Variants in SHROOM3 observed in about 807,000 individuals in gnomAD.
SHROOM3 encodes shroom family member 3.
A neutral mutation model predicts 138.6 loss-of-function variants in SHROOM3; 47 were observed. The ratio of observed to expected loss-of-function variants is 0.34; its 90% confidence interval spans 0.27 to 0.43. The LOEUF (loss-of-function observed/expected upper bound fraction) is 0.43, where lower values mean the gene tolerates loss of function less well. SHROOM3 is among the 20% of genes least tolerant of loss of function. SHROOM3 has a pLI of 1.00. For synonymous variants in SHROOM3, 1,062 were observed against 1,063.3 expected, an observed-to-expected ratio of 1.00 and a Z score of 0.02; for missense variants, 2,491 against 2,596.5, an observed-to-expected ratio of 0.96 and a Z score of 0.88.
intron 2 of SHROOM3, among the ~76,000 whole-genome samples, chr4:76,598,542 G>A (rs991511215): frequency 4.6e-5 from 7 of 152,170 alleles, no homozygotes; most frequent in African/African-American, 1.7e-4. Context: ...CAGGGCTGCA[G>A]GGCTGATGGC....
chr4:76,555,849 G>A (rs755246598), intron 2 of SHROOM3, 86 bp downstream of exon 2: 161 of 1,479,750 alleles, frequency 1.1e-4, no homozygotes, highest in African/African-American at 8.7e-4. Context: ...AAAAGAGCTC[G>A]GGGTTGGTAG....
At chr4:76,502,127 C>T (rs1730277154) in intron 1 of SHROOM3, among the ~76,000 whole-genome samples, 1 of 152,168 alleles carries the variant, frequency 6.6e-6, no homozygotes, top group Non-Finnish European at 1.5e-5. Context: ...AGCTCTCTGG[C>T]ATGTGATGCC....
At chr4:76,663,184 G>A (rs565529031) in intron 2 of SHROOM3, among the ~76,000 whole-genome samples, 1 of 152,140 alleles carries the variant, frequency 6.6e-6, no homozygotes, top group Admixed American at 6.5e-5. Flanking sequence ...TTTTAAACTG[G>A]CTAAATCTAT....
chr4:76,725,262 T>A (rs1720670814), intron 3 of SHROOM3, among the ~76,000 whole-genome samples: 1 of 151,960 alleles, frequency 6.6e-6, no homozygotes, highest in African/African-American at 2.4e-5. Flanking sequence ...TCCTCCAAAG[T>A]AAAAGCTCCA....
chr4:76,583,028 A>G (rs1223692773), intron 2 of SHROOM3, among the ~76,000 whole-genome samples: 2 of 152,224 alleles, frequency 1.3e-5, no homozygotes, highest in Non-Finnish European at 2.9e-5. Flanking sequence ...AGCATTCCAC[A>G]TGAGGAACAG....
chr4:76,535,226 G>A (rs568127727), intron 1 of SHROOM3, among the ~76,000 whole-genome samples: 346 of 152,208 alleles, frequency 2.3e-3, no homozygotes, highest in African/African-American at 7.6e-3. Flanking sequence ...GCACACAGTA[G>A]GTACTGAAAA....
In SHROOM3 at chr4:76,740,699, CAACGGGGAGCAGCACTTCAAA is replaced by C. The variant is rs769511665; in HGVS notation, c.2537_2557del (p.Gln846_Glu852del). The C allele has an allele frequency of 9.9e-6, 16 of 1,613,788 alleles. No homozygotes were observed. The highest frequency in any genetic ancestry group is 1.2e-5 in the Non-Finnish European group (14 of 1,180,042). ...TCTCTGAGTCAGCTGAACCCCTAGGCAACGGGGAGCAGCACTTCAAAAACGGGGAGCTGAAGTTGGAAGAGG... is the reference window on the plus strand; with the variant it reads ...TCTCTGAGTCAGCTGAACCCCTAGGCAACGGGGAGCTGAAGTTGGAAGAGG... On this transcript the variant is annotated inframe_deletion, in exon 5 of 11. Coordinates refer to ENST00000296043, the MANE Select transcript of SHROOM3 (RefSeq NM_020859.4). This position sits in a 1 kb window ranked among gnomAD's most constrained non-coding sequence, Gnocchi z 4.0.
chr4:76,694,969 G>T (rs777677338), intron 2 of SHROOM3, among the ~76,000 whole-genome samples: 17 of 152,188 alleles, frequency 1.1e-4, no homozygotes, highest in Non-Finnish European at 1.8e-4. Context: ...ATACCATCCT[G>T]TCAATTAATG....
chr4:76,716,259 C>T, intron 3 of SHROOM3: 2 of 511,134 alleles, frequency 3.9e-6, no homozygotes, highest in Non-Finnish European at 7.8e-6. Context: ...GGCCGTCCAA[C>T]TGGAGGCACA....
intron 2 of SHROOM3, among the ~76,000 whole-genome samples, chr4:76,630,331 G>A (rs1735279093): frequency 6.6e-6 from 1 of 152,208 alleles, no homozygotes. Flanking sequence ...AGCACTTGCA[G>A]CTTCATTAGA....
chr4:76,613,891 C>T (rs564680331), intron 2 of SHROOM3, among the ~76,000 whole-genome samples: 4 of 152,246 alleles, frequency 2.6e-5, no homozygotes, highest in East Asian at 3.9e-4. Flanking sequence ...GGTCAACCCC[C>T]GTATTTTACA....
At chr4:76,471,080 T>A (rs1249451669) in intron 1 of SHROOM3, among the ~76,000 whole-genome samples, 1 of 152,172 alleles carries the variant, frequency 6.6e-6, no homozygotes. Flanking sequence ...CCACTTTTGT[T>A]ATAAAACCTC....
intron 1 of SHROOM3, among the ~76,000 whole-genome samples, chr4:76,523,953 G>A: frequency 6.6e-6 from 1 of 152,172 alleles, no homozygotes. Context: ...GGGGAGCTGT[G>A]GCAGAACTTT....
At chr4:76,563,418 G>A (rs115931892) in intron 2 of SHROOM3, among the ~76,000 whole-genome samples, 5 of 152,190 alleles carry the variant, frequency 3.3e-5, no homozygotes, top group African/African-American at 9.7e-5. Flanking sequence ...TCTGGCGAAC[G>A]TAAGTTGAAA....
intron 2 of SHROOM3, among the ~76,000 whole-genome samples, chr4:76,671,804 G>C (rs942718412): frequency 3.3e-5 from 5 of 152,202 alleles, no homozygotes; most frequent in Non-Finnish European, 2.9e-5. Flanking sequence ...TACATGCTTG[G>C]AACCAGAAGT....
chr4:76,470,487 A>G (rs550516839), intron 1 of SHROOM3, among the ~76,000 whole-genome samples: 14 of 152,224 alleles, frequency 9.2e-5, no homozygotes, highest in Admixed American at 3.9e-4. Flanking sequence ...AGAAAAAATG[A>G]CATACAATCA....
chr4:76,700,793 A>AT (rs1719882316), intron 2 of SHROOM3, among the ~76,000 whole-genome samples: 1 of 147,590 alleles, frequency 6.8e-6, no homozygotes, highest in Admixed American at 6.8e-5. Flanking sequence ...TTATTTATTT[A>AT]TTTTTGAGAC....
intron 2 of SHROOM3, among the ~76,000 whole-genome samples, chr4:76,675,272 GA>G (rs903498118): frequency 1.3e-5 from 2 of 152,114 alleles, no homozygotes; most frequent in African/African-American, 4.8e-5. Flanking sequence ...TCTCATGCTG[GA>G]TAAGGGGACA....
chr4:76,624,769 A>G (rs2110068347), intron 2 of SHROOM3, among the ~76,000 whole-genome samples: 1 of 152,364 alleles, frequency 6.6e-6, no homozygotes, highest in Middle Eastern at 3.4e-3. Flanking sequence ...AGCTGCCTCA[A>G]ATTCTTTTAG....
Sources: gnomAD v4.1 joint callset for allele counts (sites outside exome capture counted in the v4.1 genomes callset) on GRCh38, gnomAD v4.1.1 for gene constraint, Gnocchi (gnomAD v3.1) non-coding constraint, MANE v1.5 for transcripts, NCBI Gene and HGNC (gene_info 2026-07-23, HGNC 2026-07-21) for gene names.